Variants in ZNRF3 observed in about 807,000 individuals in gnomAD.
ZNRF3 encodes the protein E3 ubiquitin-protein ligase ZNRF3.
A neutral mutation model predicts 72.5 loss-of-function variants in ZNRF3; 23 were observed. The ratio of observed to expected loss-of-function variants is 0.32; its 90% CI spans 0.23 to 0.45. The LOEUF (loss-of-function observed/expected upper bound fraction) is 0.45, where lower values mean the gene tolerates loss of function less well. Among genes scored for constraint, ZNRF3 ranks in the 20% least tolerant of loss-of-function variants. The pLI is 1.00. For missense variants in ZNRF3, 1,169 were observed against 1,272.1 expected (o/e 0.92, Z 1.23); for synonymous variants, 610 against 545.3 (o/e 1.12, Z -1.65).
intron 1 of ZNRF3, among the ~76,000 whole-genome samples, chr22:28,934,571 A>G (rs1270774425): frequency 6.6e-6 from 1 of 152,156 alleles, no homozygotes; most frequent in Non-Finnish European, 1.5e-5. Context: ...TAATCCCAGC[A>G]TTTTGGGAGG....
intron 1 of ZNRF3, among the ~76,000 whole-genome samples, chr22:28,946,500 A>G (rs749897818): frequency 1.4e-4 from 21 of 152,250 alleles, no homozygotes; most frequent in Non-Finnish European, 2.2e-4. Context: ...ATGACTTACT[A>G]GTATTTGGGA....
At chr22:28,940,650 G>A (rs2034927578) in intron 1 of ZNRF3, among the ~76,000 whole-genome samples, 1 of 152,192 alleles carries the variant, frequency 6.6e-6, no homozygotes, top group African/African-American at 2.4e-5. Flanking sequence ...CGCCTGACCT[G>A]GGGCCACGGA....
At chr22:28,999,545 C>T (rs573604927) in intron 2 of ZNRF3, among the ~76,000 whole-genome samples, 2 of 152,276 alleles carry the variant, frequency 1.3e-5, no homozygotes, top group South Asian at 2.1e-4. Context: ...GTACCAGTAT[C>T]GGGTCAGTTG....
intron 1 of ZNRF3, among the ~76,000 whole-genome samples, chr22:28,884,323 C>T (rs1005439192): frequency 2.0e-5 from 3 of 152,166 alleles, no homozygotes; most frequent in African/African-American, 2.4e-5. Flanking sequence ...GGGCCCGGCA[C>T]CCATGCTGGG....
At chr22:28,946,372 G>A (rs1218605701) in intron 1 of ZNRF3, among the ~76,000 whole-genome samples, 1 of 152,168 alleles carries the variant, frequency 6.6e-6, no homozygotes, top group Non-Finnish European at 1.5e-5. Flanking sequence ...TTGTGTGAGA[G>A]ATGGCTTTGG....
intron 1 of ZNRF3, 89 bp from the exon 2 acceptor site, chr22:28,986,987 T>C: frequency 2.7e-6 from 4 of 1,500,078 alleles, no homozygotes; most frequent in Non-Finnish European, 3.6e-6. Context: ...TGACGTTACT[T>C]TTGGCTATAG....
At position 29,049,504 on chromosome 22, in the gene ZNRF3, C is replaced by T; in HGVS notation, c.1323C>T (p.Ser441=). The T allele has an allele frequency of 1.2e-6, 2 of 1,604,916 alleles. No individual in the cohort carries two copies. The highest frequency in any genetic ancestry group is 1.7e-6 in the Non-Finnish European group (2 of 1,179,456). Residue 441 remains serine (S), a synonymous_variant, in exon 8 of 9, where the codon TCC becomes TCT. Coordinates refer to ENST00000544604, the MANE Select transcript of ZNRF3 (RefSeq NM_001206998.2). This position sits in a 1 kb window ranked among gnomAD's most constrained non-coding sequence, Gnocchi z 5.2. ...HRCGLEHRAY[S]PAHPFRRPKL... is the part of the protein sequence containing the mutation. Reference sequence around the variant, plus strand: ...GCGGCCTGGAGCACCGGGCCTACTCCCCAGCCCACCCCTTCCGCAGGCCCA... The same window carrying T: ...GCGGCCTGGAGCACCGGGCCTACTCTCCAGCCCACCCCTTCCGCAGGCCCA...
intron 2 of ZNRF3, among the ~76,000 whole-genome samples, chr22:29,007,490 T>C (rs868395265): frequency 6.6e-6 from 1 of 151,422 alleles, no homozygotes; most frequent in Admixed American, 6.6e-5. Context: ...TTTTTTTTTT[T>C]AAACTAGCTG....
intron 1 of ZNRF3, among the ~76,000 whole-genome samples, chr22:28,984,887 A>G (rs2035826955): frequency 6.6e-6 from 1 of 152,208 alleles, no homozygotes; most frequent in Non-Finnish European, 1.5e-5. Flanking sequence ...TTGGCCCTTC[A>G]GGCAAATTCC....
In ZNRF3 at chr22:28,884,073, G is replaced by A; in HGVS notation, c.300+7G>A. 4 of 1,197,542 alleles carry A rather than the reference G, an allele frequency of 3.3e-6. No individual in the cohort carries two copies. The highest frequency in any genetic ancestry group is 5.9e-5 in the East Asian group (1 of 17,048). 74.2% of individuals were successfully genotyped at this position (1,197,542 alleles called of 1,614,324 possible). A position where few individuals can be genotyped will look rare whatever the true frequency, so the allele number is the denominator to read the frequency against. On this transcript the variant is annotated splice_region_variant and intron_variant, in intron 1 of 8. Transcript: ENST00000544604. The stretch of plus-strand genomic sequence containing the variant: ...CGAGGGCGAGATCGTGCAGGTAGCT[G>A]CCCGCCGCCCGGGCCCCGCGCCGCC...
chr22:28,906,056 G>A (rs1027358623), intron 1 of ZNRF3, among the ~76,000 whole-genome samples: 2 of 152,230 alleles, frequency 1.3e-5, no homozygotes, highest in African/African-American at 2.4e-5. Context: ...TAAGCATGGT[G>A]GCTCACGCCT....
At chr22:28,904,191 C>T (rs1173694579) in intron 1 of ZNRF3, among the ~76,000 whole-genome samples, 1 of 152,160 alleles carries the variant, frequency 6.6e-6, no homozygotes, top group Non-Finnish European at 1.5e-5. Flanking sequence ...GTCTGAGTGA[C>T]CTGGTGGGAT....
At chr22:29,014,426 G>A (rs2036398707) in intron 2 of ZNRF3, among the ~76,000 whole-genome samples, 1 of 152,176 alleles carries the variant, frequency 6.6e-6, no homozygotes, top group Non-Finnish European at 1.5e-5. Flanking sequence ...TGATGTAGGT[G>A]AGACCCCTGA....
chr22:28,900,292 A>G (rs1470880047), intron 1 of ZNRF3, among the ~76,000 whole-genome samples: 1 of 152,210 alleles, frequency 6.6e-6, no homozygotes, highest in African/African-American at 2.4e-5. Flanking sequence ...CGAAGGTGCC[A>G]TCACCCATAA....
At chr22:28,921,627 T>C (rs2034515225) in intron 1 of ZNRF3, among the ~76,000 whole-genome samples, 1 of 152,218 alleles carries the variant, frequency 6.6e-6, no homozygotes, top group African/African-American at 2.4e-5. Context: ...TGTTTTGTGT[T>C]GTTTAACTTG....
intron 2 of ZNRF3, among the ~76,000 whole-genome samples, chr22:28,988,410 C>T (rs528682467): frequency 3.9e-5 from 6 of 152,234 alleles, no homozygotes; most frequent in African/African-American, 1.4e-4. Context: ...TCCTGAAAGA[C>T]CTTTGGCTCC....
intron 4 of ZNRF3, among the ~76,000 whole-genome samples, chr22:29,044,080 A>C (rs2037016927): frequency 6.6e-6 from 1 of 152,196 alleles, no homozygotes; most frequent in Admixed American, 6.5e-5. Flanking sequence ...TCCTCCTCAC[A>C]AATATTGGGA....
At chr22:28,940,764 AC>A (rs1426782908) in intron 1 of ZNRF3, among the ~76,000 whole-genome samples, 1 of 152,102 alleles carries the variant, frequency 6.6e-6, no homozygotes, top group African/African-American at 2.4e-5. Flanking sequence ...CTGGGTGTGA[AC>A]TGTAAAAGAG....
At chr22:28,913,879 T>G (rs1439415791) in intron 1 of ZNRF3, among the ~76,000 whole-genome samples, 2 of 152,048 alleles carry the variant, frequency 1.3e-5, no homozygotes, top group African/African-American at 4.8e-5. Flanking sequence ...TACCAAACTT[T>G]GGGTACTGTG....
Sources: gnomAD v4.1 joint callset for allele counts (sites outside exome capture counted in the v4.1 genomes callset) on GRCh38, gnomAD v4.1.1 for gene constraint, Gnocchi (gnomAD v3.1) non-coding constraint, MANE v1.5 for transcripts, NCBI Gene and HGNC (gene_info 2026-07-23, HGNC 2026-07-21) for gene names.